The following UVSSA variants were observed in gnomAD, a reference collection of about 807,000 sequenced individuals.
The protein encoded by UVSSA is UV-stimulated scaffold protein A.
Under a neutral mutation model 73.9 loss-of-function variants are expected in UVSSA, and 72 were observed. That is an observed-to-expected ratio of 0.97 (90% confidence interval 0.81 to 1.19). UVSSA has a LOEUF of 1.19. Among genes scored for constraint, UVSSA ranks in the 50% most tolerant of loss-of-function variants. The probability of loss-of-function intolerance (pLI) is 0.00; values close to 1 mark genes in which losing one functional copy is unlikely to be tolerated. For synonymous variants in UVSSA, 454 were observed against 391.3 expected (o/e 1.16, Z -1.89); for missense variants, 1,150 against 965.0 (o/e 1.19, Z -2.54).
rs921904368 is a variant in UVSSA, at chr4:1,387,219, A to C, written c.*1258A>C. 3.3e-5 allele frequency: 5 copies of C among 152,148 alleles called. No homozygotes were observed. Among genetic ancestry groups the C allele is most frequent in the Admixed American group, 1.3e-4 (2 of 15,238 alleles). The allele number at this position is 152,148 out of a possible 1,614,324, so 9.4% of individuals were successfully genotyped here. On this transcript the variant is annotated 3_prime_UTR_variant, in exon 14 of 14. Coordinates refer to ENST00000389851, the MANE Select transcript of UVSSA (RefSeq NM_020894.4). ...CAGCGTCCTGAGTAGCTGGGACTAC[A>C]GGCGCGCACCACCACGCCCAGCTAA...
At chr4:1,390,363 A>G (rs532330810), downstream of UVSSA, 163 of 152,314 alleles carry the variant, frequency 1.1e-3, 1 homozygote, top group African/African-American at 3.8e-3. Flanking sequence ...CAGTGCAGTG[A>G]TCGCAGCTCA....
In UVSSA at chr4:1,380,150, G is replaced by T; in HGVS notation, c.1672G>T (p.Gly558Trp). 1 of 1,613,250 alleles carries T rather than the reference G, an allele frequency of 6.2e-7. No homozygotes were observed. The change falls in exon 11 of 14, where the codon GGG becomes TGG. Residue 558 changes from glycine (G) to tryptophan (W), a missense_variant. Physicochemically the swap from Gly to Trp is radical, Grantham distance 184. Transcript: ENST00000389851. ...MLRSRHITFA[G>W]KFEPVQHWCR... ...CCGGAGCCGCCACATCACTTTTGCC[G>T]GGAAGTTTGAGCCTGTGCAGCACTG...
intron 1 of UVSSA, 156 bp downstream of exon 1, chr4:1,347,916 G>A (rs980833338): frequency 1.8e-5 from 11 of 614,850 alleles, no homozygotes; most frequent in Non-Finnish European, 3.2e-5. Context: ...AATCACCGCC[G>A]TAAAGGCCTT....
intron 8 of UVSSA, among the ~76,000 whole-genome samples, chr4:1,369,371 G>A (rs116058225): frequency 9.7e-4 from 148 of 152,328 alleles, no homozygotes; most frequent in African/African-American, 3.5e-3. Flanking sequence ...CAGGAGTGCC[G>A]GAGGCGGGGA....
At chr4:1,358,577 C>T (rs1716144493) in intron 7 of UVSSA, 1 of 152,256 alleles carries the variant, frequency 6.6e-6, no homozygotes, top group African/African-American at 2.4e-5. Context: ...AGCGATGCTT[C>T]CCAGAATAGA....
At chr4:1,394,312 A>C in exon 14 of UVSSA, 1 of 986,484 alleles carries the variant, frequency 1.0e-6, no homozygotes, top group Non-Finnish European at 1.5e-6. Context: ...CTTGGCTTCT[A>C]AGTTTTGTGT....
chr4:1,366,461 C>T (rs772368449), intron 8 of UVSSA, 30 bp downstream of exon 8: 21 of 1,551,370 alleles, frequency 1.4e-5, no homozygotes, highest in African/African-American at 8.2e-5. Flanking sequence ...GGGGGGGCAC[C>T]TGGGTGGAGG....
At chr4:1,369,560 C>A (rs1274242038) in intron 8 of UVSSA, among the ~76,000 whole-genome samples, 2 of 152,250 alleles carry the variant, frequency 1.3e-5, no homozygotes. Context: ...TCTGAATTTT[C>A]ACTGAGGGGC....
rs776309615 is a variant in UVSSA, at chr4:1,395,677, G to A, written c.*9716G>A. ...GGAGTGCCTGCCTGCTCACACACGT[G>A]CCCATGTGGAGTGCCCGCCTGCTCA... On this transcript the variant is annotated 3_prime_UTR_variant, in exon 14 of 14. Transcript: ENST00000511216. 9 of 1,611,826 alleles carry A rather than the reference G, an allele frequency of 5.6e-6. No homozygotes were observed. The East Asian group carries it at 1.8e-4, about 32-fold the overall frequency.
intron 13 of UVSSA, chr4:1,384,210 T>G: frequency 2.1e-6 from 1 of 482,938 alleles, no homozygotes; most frequent in South Asian, 2.5e-5. Flanking sequence ...CCTCGCTTCC[T>G]GGGGGAGCCA....
intron 8 of UVSSA, among the ~76,000 whole-genome samples, chr4:1,374,424 C>T (rs1009868675): frequency 4.6e-5 from 7 of 152,264 alleles, no homozygotes; most frequent in Non-Finnish European, 8.8e-5. Flanking sequence ...GCCTGAGAGC[C>T]AAGCGCAGGC....
chr4:1,349,099 T>TACGGTTTGTGCCGGGC (rs372080243), intron 2 of UVSSA, among the ~76,000 whole-genome samples: 1 of 151,606 alleles, frequency 6.6e-6, no homozygotes, highest in African/African-American at 2.4e-5. Flanking sequence ...CCGGGCGGTG[T>TACGGTTTGTGCCGGGC]GTGTTGCGCT....
At chr4:1,354,060 C>T (rs1319221253) in intron 5 of UVSSA, among the ~76,000 whole-genome samples, 1 of 152,236 alleles carries the variant, frequency 6.6e-6, no homozygotes, top group Admixed American at 6.5e-5. Flanking sequence ...GAGGAACCTT[C>T]TTCTTTGGAA....
In UVSSA at chr4:1,380,949, C is replaced by G; in HGVS notation, c.1822C>G (p.Arg608Gly). 1 of 1,612,930 alleles carries G rather than the reference C, an allele frequency of 6.2e-7. No individual in the cohort carries two copies. Among genetic ancestry groups the G allele is most frequent in the East Asian group, 2.2e-5 (1 of 44,860 alleles). The change falls in exon 12 of 14, where the codon CGT becomes GGT. Residue 608 changes from arginine to glycine, a missense_variant. Coordinates refer to ENST00000389851, the MANE Select transcript of UVSSA (RefSeq NM_020894.4). ...GCCGCTCGACCCGGAAGACAGGGCT[C>G]GTGAGCAGCGGCGGCAGCTGCAGAA... Reference protein sequence around the residue: ...GRPLDPEDRAREQRRQLQKQE... With the variant: ...GRPLDPEDRAGEQRRQLQKQE...
chr4:1,359,624 T>C (rs1007788279), intron 7 of UVSSA, among the ~76,000 whole-genome samples: 2 of 152,186 alleles, frequency 1.3e-5, no homozygotes, highest in African/African-American at 4.8e-5. Context: ...TACGGGTTTG[T>C]TTTTGTTCTC....
chr4:1,372,358 G>A (rs555635630), intron 8 of UVSSA, among the ~76,000 whole-genome samples: 47 of 152,232 alleles, frequency 3.1e-4, no homozygotes, highest in South Asian at 1.9e-3. Flanking sequence ...CTTTCTCTCC[G>A]ACTTCTGCTG....
Position 1,383,874 on chromosome 4 carries a change from G to T in UVSSA, c.1970G>T (p.Ser657Ile), listed in dbSNP as rs372810026. ...KGRGKKRRYP[S>I]LTNLKAQADT... ...AGGGGGAAGAAGAGGAGGTACCCCAGCCTCACCAACCTGAAGGCTCAGGCT... is the reference window on the plus strand; with the variant it reads ...AGGGGGAAGAAGAGGAGGTACCCCATCCTCACCAACCTGAAGGCTCAGGCT... The change falls in exon 13 of 14, where the codon AGC becomes ATC. Residue 657 changes from serine to isoleucine, a missense_variant. By Grantham distance (142) the Ser-to-Ile change is moderately radical. Transcript: ENST00000389851. The T allele has an allele frequency of 2.5e-6, 4 of 1,613,504 alleles. No homozygotes were observed. In the African/African-American group the frequency reaches 4.0e-5, roughly 16 times the overall value.
chr4:1,343,464 T>G (rs559974153), upstream of UVSSA, among the ~76,000 whole-genome samples: 75 of 151,932 alleles, frequency 4.9e-4, no homozygotes, highest in Non-Finnish European at 1.0e-3. Context: ...CAAGGACTTA[T>G]AAATCATAAC....
At position 1,349,699 on chromosome 4, in the gene UVSSA, G is replaced by A. The variant is rs1321548017; in HGVS notation, c.274G>A (p.Gly92Ser). Residue 92 changes from glycine to serine, a missense_variant, in exon 3 of 14, where the codon GGC becomes AGC. Coordinates refer to ENST00000389851, the MANE Select transcript of UVSSA (RefSeq NM_020894.4). ...CCAGGAGTTCCTGGAGCTCACGCTGGGCACAGACCCCGCACAGCCTCTGCC... is the reference window on the plus strand; with the variant it reads ...CCAGGAGTTCCTGGAGCTCACGCTGAGCACAGACCCCGCACAGCCTCTGCC... ...NFQEFLELTL[G>S]TDPAQPLPPP... is the part of the protein sequence containing the mutation. 6.2e-7 allele frequency: 1 copy of A among 1,613,856 alleles called. No individual in the cohort carries two copies. Among genetic ancestry groups the A allele is most frequent in the Non-Finnish European group, 8.5e-7 (1 of 1,179,980 alleles).
Sources: gnomAD v4.1 joint callset for allele counts (sites outside exome capture counted in the v4.1 genomes callset) on GRCh38, gnomAD v4.1.1 for gene constraint, MANE v1.5 for transcripts, NCBI Gene and HGNC (gene_info 2026-07-23, HGNC 2026-07-21) for gene names.